Variants in FAM13A observed in about 807,000 individuals in gnomAD.
The protein encoded by FAM13A is family with sequence similarity 13 member A, also known as protein FAM13A.
In FAM13A, 76 loss-of-function variants were observed where a neutral mutation model predicts 129.6. The ratio of observed to expected loss-of-function variants is 0.59; its 90% confidence interval spans 0.49 to 0.71. FAM13A has a LOEUF of 0.71. FAM13A is among the 30% of genes least tolerant of loss of function. The pLI, the probability that FAM13A is intolerant of heterozygous loss-of-function variation, is 0.00. For synonymous variants in FAM13A, 443 were observed against 449.9 expected (o/e 0.98, Z 0.20); for missense variants, 1,108 against 1,249.3 (o/e 0.89, Z 1.70).
At chr4:88,882,103 A>G (rs1419958160) in intron 6 of FAM13A, among the ~76,000 whole-genome samples, 1 of 152,186 alleles carries the variant, frequency 6.6e-6, no homozygotes, top group Non-Finnish European at 1.5e-5. Context: ...CTAGAGATCT[A>G]GATATCCAAA....
rs1022667075 is a variant in FAM13A, at chr4:88,997,858, C to G, written c.428-6708G>C. 2.6e-5 allele frequency among the ~76,000 whole-genome samples: 4 copies of G among 152,210 alleles called. No individual in the cohort carries two copies. The East Asian group carries it at 7.7e-4, about 29-fold the overall frequency. The stretch of plus-strand genomic sequence containing the variant: ...CAGATTTGTCAAAGTAGCTTCCCCC[C>G]TCCCTCTGCCTCATTAAACCTCACA... On this transcript the variant is annotated intron_variant, in intron 3 of 23. Coordinates refer to ENST00000264344, the MANE Select transcript of FAM13A (RefSeq NM_014883.4).
At chr4:89,049,580 T>C (rs947645600) in intron 1 of FAM13A, among the ~76,000 whole-genome samples, 12 of 152,382 alleles carry the variant, frequency 7.9e-5, no homozygotes, top group African/African-American at 2.9e-4. Flanking sequence ...ACAACTGTTT[T>C]TCTTTAGCAT....
At chr4:88,811,574 G>T (rs1033983334) in intron 7 of FAM13A, among the ~76,000 whole-genome samples, 1 of 143,188 alleles carries the variant, frequency 7.0e-6, no homozygotes. Flanking sequence ...TGTGCATGTG[G>T]GGGGAAAAGG....
At chr4:88,876,250 C>T (rs1372208324) in intron 6 of FAM13A, among the ~76,000 whole-genome samples, 1 of 151,990 alleles carries the variant, frequency 6.6e-6, no homozygotes, top group Non-Finnish European at 1.5e-5. Flanking sequence ...TGTAACCAAC[C>T]TGCACATTGT....
intron 5 of FAM13A, among the ~76,000 whole-genome samples, chr4:88,925,492 G>A (rs937168679): frequency 1.3e-5 from 2 of 148,992 alleles, no homozygotes; most frequent in African/African-American, 2.5e-5. Context: ...ACTCATAGGT[G>A]GGAATTGAAC....
intron 4 of FAM13A, among the ~76,000 whole-genome samples, chr4:88,982,082 G>C (rs1394509537): frequency 6.6e-6 from 1 of 152,220 alleles, no homozygotes; most frequent in Non-Finnish European, 1.5e-5. Context: ...AAGCAGATTG[G>C]TCTGAGAGGC....
At chr4:88,870,203 T>A (rs570583595) in intron 6 of FAM13A, among the ~76,000 whole-genome samples, 1 of 152,116 alleles carries the variant, frequency 6.6e-6, no homozygotes, top group Non-Finnish European at 1.5e-5. Context: ...GGTCTGCAGC[T>A]CCCAGCGTGA....
intron 3 of FAM13A, chr4:89,008,929 A>G (rs1372778748): frequency 6.6e-6 from 1 of 152,172 alleles, no homozygotes; most frequent in Non-Finnish European, 1.5e-5. Flanking sequence ...CTTTAGTCCT[A>G]ATCCCTCTCA....
At chr4:88,994,359 T>C (rs999085192) in intron 3 of FAM13A, among the ~76,000 whole-genome samples, 5 of 152,190 alleles carry the variant, frequency 3.3e-5, no homozygotes, top group African/African-American at 1.2e-4. Context: ...AAATATCTGG[T>C]AAATATTACC....
At chr4:88,763,483 C>T (rs1488543892) in intron 13 of FAM13A, among the ~76,000 whole-genome samples, 2 of 152,186 alleles carry the variant, frequency 1.3e-5, no homozygotes, top group Admixed American at 1.3e-4. Context: ...GAGAGCTCAT[C>T]TCTCCCGGGC....
intron 3 of FAM13A, among the ~76,000 whole-genome samples, chr4:89,016,001 C>T (rs1766434118): frequency 6.6e-6 from 1 of 152,002 alleles, no homozygotes; most frequent in African/African-American, 2.4e-5. Context: ...AACTGTAACA[C>T]AGACTCAGGC....
intron 5 of FAM13A, among the ~76,000 whole-genome samples, chr4:88,913,956 T>C (rs1749635087): frequency 6.6e-6 from 1 of 150,982 alleles, no homozygotes; most frequent in Non-Finnish European, 1.5e-5. Flanking sequence ...TGAGCCAAGA[T>C]CATGCCATTG....
intron 1 of FAM13A, among the ~76,000 whole-genome samples, chr4:89,044,267 G>A (rs1228095299): frequency 3.9e-5 from 6 of 152,186 alleles, no homozygotes; most frequent in Admixed American, 2.0e-4. Flanking sequence ...AACAAAGGAC[G>A]TGTATAATCA....
At chr4:88,833,853 T>A (rs1347020662) in intron 7 of FAM13A, among the ~76,000 whole-genome samples, 1 of 152,062 alleles carries the variant, frequency 6.6e-6, no homozygotes, top group African/African-American at 2.4e-5. Flanking sequence ...GCCACTGCAC[T>A]CCAGCCTGGG....
At position 88,906,464 on chromosome 4, in the gene FAM13A, T is replaced by G; in HGVS notation, c.760-2A>C. On this transcript the variant is annotated splice_acceptor_variant, in intron 5 of 23. Coordinates refer to ENST00000264344, the MANE Select transcript of FAM13A (RefSeq NM_014883.4). LOFTEE classifies it high-confidence loss of function. ...CAGGGAGTTCTTATAATAGACCTCC[T>G]ACAAAAGAAGTATAAAGGAAACATT... The G allele has an allele frequency of 6.3e-7, 1 of 1,584,634 alleles. No homozygotes were observed. The highest frequency in any genetic ancestry group is 8.6e-7 in the Non-Finnish European group (1 of 1,159,532).
At chr4:88,857,710 T>A (rs1284793280) in intron 6 of FAM13A, among the ~76,000 whole-genome samples, 1 of 151,226 alleles carries the variant, frequency 6.6e-6, no homozygotes, top group Non-Finnish European at 1.5e-5. Flanking sequence ...CCCAAGCAAG[T>A]AACACTCCTT....
chr4:88,942,356 T>G (rs1579396557), intron 4 of FAM13A, among the ~76,000 whole-genome samples: 1 of 151,700 alleles, frequency 6.6e-6, no homozygotes, highest in Non-Finnish European at 1.5e-5. Context: ...CACCTGAGGT[T>G]AGGAGTTCGA....
chr4:88,953,009 T>C (rs909700987), intron 4 of FAM13A, among the ~76,000 whole-genome samples: 2 of 152,198 alleles, frequency 1.3e-5, no homozygotes, highest in African/African-American at 4.8e-5. Context: ...TCTTTGCCTT[T>C]GTAAATAAAT....
chr4:88,841,746 T>C (rs554168473), intron 7 of FAM13A, among the ~76,000 whole-genome samples: 2 of 152,076 alleles, frequency 1.3e-5, no homozygotes, highest in African/African-American at 4.8e-5. Context: ...ATGGCTATAA[T>C]AAAAAAACAG....
Sources: gnomAD v4.1 joint callset for allele counts (sites outside exome capture counted in the v4.1 genomes callset) on GRCh38, gnomAD v4.1.1 for gene constraint, MANE v1.5 for transcripts, NCBI Gene and HGNC (gene_info 2026-07-23, HGNC 2026-07-21) for gene names.